The following DNAH14 variants were observed in gnomAD, a reference collection of about 807,000 sequenced individuals.
DNAH14 encodes axonemal beta dynein heavy chain 14.
A neutral mutation model predicts 520.9 loss-of-function variants in DNAH14; 478 were observed. That is an observed-to-expected ratio of 0.92 (90% CI 0.85 to 0.99). The LOEUF is 0.99. Ranked by LOEUF, DNAH14 falls within the 50% of genes least tolerant of loss-of-function variation. The pLI, the probability that DNAH14 is intolerant of heterozygous loss-of-function variation, is 0.00. For missense variants in DNAH14, 4,831 were observed against 5,234.5 expected, an observed-to-expected ratio of 0.92 and a Z score of 2.38; for synonymous variants, 1,581 against 1,757.2, an observed-to-expected ratio of 0.90 and a Z score of 2.51.
chr1:225,064,127 AG>A (rs895931058), intron 17 of DNAH14, among the ~76,000 whole-genome samples: 2 of 152,044 alleles, frequency 1.3e-5, no homozygotes, highest in African/African-American at 4.8e-5. Flanking sequence ...AAGTGGGCAA[AG>A]TATTTGATCA....
chr1:224,978,066 A>G (rs78497820), intron 8 of DNAH14, among the ~76,000 whole-genome samples: 6,350 of 152,310 alleles, frequency 0.042, 217 homozygotes, highest in Non-Finnish European at 0.061. Context: ...GTTGGTGGGA[A>G]TGTAAATTAG....
chr1:225,013,453 A>G (rs1219655398), intron 10 of DNAH14, among the ~76,000 whole-genome samples: 1 of 152,182 alleles, frequency 6.6e-6, no homozygotes, highest in Admixed American at 6.5e-5. Flanking sequence ...TCAGGGACCC[A>G]CTTGAGGAGG....
chr1:225,086,116 C>T (rs990712476), intron 21 of DNAH14, among the ~76,000 whole-genome samples: 1 of 150,842 alleles, frequency 6.6e-6, no homozygotes, highest in African/African-American at 2.4e-5. Context: ...TGGTAATACA[C>T]CTAATAATAA....
intron 83 of DNAH14, among the ~76,000 whole-genome samples, chr1:225,390,968 TC>T (rs1267474289): frequency 6.6e-6 from 1 of 151,892 alleles, no homozygotes; most frequent in Non-Finnish European, 1.5e-5. Flanking sequence ...GGTGACTGAG[TC>T]AAGATTTGAA....
chr1:225,378,663 A>G (rs997585576), intron 79 of DNAH14, among the ~76,000 whole-genome samples: 3 of 152,084 alleles, frequency 2.0e-5, no homozygotes, highest in African/African-American at 7.2e-5. Context: ...CGGGTGGGTC[A>G]CGAGGTCAGG....
intron 45 of DNAH14, among the ~76,000 whole-genome samples, chr1:225,258,410 G>A (rs1304204040): frequency 1.3e-5 from 2 of 152,096 alleles, no homozygotes; most frequent in African/African-American, 4.8e-5. Flanking sequence ...GTGGGCTGAG[G>A]TTCTTATTGG....
intron 8 of DNAH14, among the ~76,000 whole-genome samples, chr1:224,980,439 G>A (rs1451473836): frequency 6.6e-6 from 1 of 152,200 alleles, no homozygotes; most frequent in East Asian, 1.9e-4. Flanking sequence ...TTGTCTTGTG[G>A]TTTGAGAGCC....
At chr1:224,988,221 AG>A (rs974538511) in intron 8 of DNAH14, among the ~76,000 whole-genome samples, 5 of 152,170 alleles carry the variant, frequency 3.3e-5, no homozygotes, top group African/African-American at 1.2e-4. Flanking sequence ...TCCCTGCAAA[AG>A]ATATGATCTT....
intron 38 of DNAH14, among the ~76,000 whole-genome samples, chr1:225,203,872 G>A (rs1405490403): frequency 6.6e-6 from 1 of 152,150 alleles, no homozygotes; most frequent in African/African-American, 2.4e-5. Context: ...GTGATTGTCT[G>A]TGGGTAATGG....
chr1:225,356,468 T>C (rs1235684030), intron 73 of DNAH14, among the ~76,000 whole-genome samples: 1 of 152,186 alleles, frequency 6.6e-6, no homozygotes, highest in Non-Finnish European at 1.5e-5. Flanking sequence ...CCAACCCACT[T>C]CTCTAATTTT....
At chr1:225,370,254 C>A (rs2095603529) in intron 77 of DNAH14, among the ~76,000 whole-genome samples, 1 of 152,020 alleles carries the variant, frequency 6.6e-6, no homozygotes, top group Admixed American at 6.6e-5. Context: ...TTCACTCCAG[C>A]CTGGGTGACA....
intron 27 of DNAH14, among the ~76,000 whole-genome samples, chr1:225,128,958 C>A (rs1413016497): frequency 2.7e-5 from 4 of 149,938 alleles, no homozygotes; most frequent in East Asian, 2.0e-4. Context: ...TGATAAGCAA[C>A]TTCAGCAAAG....
intron 50 of DNAH14, 57 bp downstream of exon 50, chr1:225,270,923 A>T (rs753515841): frequency 6.8e-6 from 10 of 1,479,870 alleles, no homozygotes; most frequent in Admixed American, 2.1e-5. Context: ...AATAAGGAAA[A>T]ATACGAGAAC....
At position 225,079,359 on chromosome 1, in the gene DNAH14, G is replaced by A. The variant is rs1203285411; in HGVS notation, c.2577G>A (p.Lys859=). 1.3e-6 allele frequency: 2 copies of A among 1,550,816 alleles called. No homozygotes were observed. Among genetic ancestry groups the A allele is most frequent in the Non-Finnish European group, 1.7e-6 (2 of 1,146,760 alleles). The change falls in exon 18 of 86, where the codon AAG becomes AAA. Residue 859 remains lysine (K), a synonymous_variant. Transcript: ENST00000682510. ...TGTCTCAGCTATATTCTGTTGCAAA[G>A]CATCACCAGATCCATATTTCAGAAG... ...LTMSQLYSVA[K]HHQIHISEEQ...
At position 225,082,054 on chromosome 1, in the gene DNAH14, C is replaced by T. The variant is rs114404476; in HGVS notation, c.3137-495C>T. On this transcript the variant is annotated intron_variant, in intron 19 of 85. Coordinates refer to ENST00000682510, the MANE Select transcript of DNAH14 (RefSeq NM_001367479.1). ...GGGAGGCTGAGGTGGGCGGATCATT[C>T]GAGGCCAGGAGTTTGAGACCAGCCT... 3.8e-3 allele frequency among the ~76,000 whole-genome samples: 585 copies of T among 152,012 alleles called. 4 individuals carry two copies. Among genetic ancestry groups the T allele is most frequent in the African/African-American group, 0.013 (551 of 41,432 alleles).
Position 225,185,951 on chromosome 1 carries a change from T to TG in DNAH14, c.5670+526_5670+527insG, listed in dbSNP as rs1277393914. ...TTCTATTCGCATTACACTTTGTTTTTTTTTTTTTTTTTGGCTGTTAGAATT... is the reference window on the plus strand; with the variant it reads ...TTCTATTCGCATTACACTTTGTTTTTGTTTTTTTTTTTTGGCTGTTAGAATT... On this transcript the variant is annotated intron_variant, in intron 37 of 85. Coordinates refer to ENST00000682510, the MANE Select transcript of DNAH14 (RefSeq NM_001367479.1). Among the ~76,000 whole-genome samples the TG allele has an allele frequency of 4.0e-5, 6 of 149,102 alleles. 1 individual carries two copies. The highest frequency in any genetic ancestry group is 9.0e-5 in the Non-Finnish European group (6 of 67,006).
chr1:225,134,021 T>A (rs1343698333), intron 27 of DNAH14, among the ~76,000 whole-genome samples: 2 of 152,142 alleles, frequency 1.3e-5, no homozygotes, highest in Non-Finnish European at 2.9e-5. Context: ...GATTTGGCTC[T>A]CTGCTTGCTT....
chr1:225,296,385 A>G (rs1046391576), intron 55 of DNAH14, among the ~76,000 whole-genome samples: 2 of 152,178 alleles, frequency 1.3e-5, no homozygotes, highest in African/African-American at 4.8e-5. Flanking sequence ...AAAATGGGGA[A>G]TTTAATCCAT....
intron 17 of DNAH14, among the ~76,000 whole-genome samples, chr1:225,061,409 TG>T (rs1262130483): frequency 6.6e-6 from 1 of 152,216 alleles, no homozygotes; most frequent in African/African-American, 2.4e-5. Context: ...AGGTGCCGTG[TG>T]TCACCCCTTT....
Sources: gnomAD v4.1 joint callset for allele counts (sites outside exome capture counted in the v4.1 genomes callset) on GRCh38, gnomAD v4.1.1 for gene constraint, MANE v1.5 for transcripts, NCBI Gene and HGNC (gene_info 2026-07-23, HGNC 2026-07-21) for gene names.